The following PCLAF variants were observed in gnomAD, a reference collection of about 807,000 sequenced individuals.
PCLAF encodes PCNA clamp associated factor.
A neutral mutation model predicts 15.1 loss-of-function variants in PCLAF; 12 were observed. That is an observed-to-expected ratio of 0.79 (90% CI 0.51 to 1.29). The LOEUF (loss-of-function observed/expected upper bound fraction) is 1.29, where lower values mean the gene tolerates loss of function less well. PCLAF is among the 50% of genes most tolerant of loss of function. The pLI is 0.00. For synonymous variants in PCLAF, 33 were observed against 47.1 expected (o/e 0.70, Z 1.22); for missense variants, 116 against 130.9 (o/e 0.89, Z 0.56).
intron 3 of PCLAF, among the ~76,000 whole-genome samples, chr15:64,372,360 A>G (rs546184081): frequency 6.6e-6 from 1 of 152,300 alleles, no homozygotes; most frequent in African/African-American, 2.4e-5. Context: ...CACACCTGTA[A>G]TCCCAGCACT....
chr15:64,376,373 T>A lies in PCLAF; in HGVS notation c.290+370A>T, dbSNP rs775650590. 3.9e-5 allele frequency among the ~76,000 whole-genome samples: 6 copies of A among 152,164 alleles called. No individual in the cohort carries two copies. The East Asian group carries it at 9.6e-4, about 24-fold the overall frequency. ...TCCTTTATTTTCAAGATATTTTCTTTATTAATTAATTAATTAATTTTTTAT... is the reference window on the plus strand; with the variant it reads ...TCCTTTATTTTCAAGATATTTTCTTAATTAATTAATTAATTAATTTTTTAT... On this transcript the variant is annotated intron_variant, in intron 3 of 3. Coordinates refer to ENST00000300035, the MANE Select transcript of PCLAF (RefSeq NM_014736.6).
At chr15:64,386,322 G>C (rs1180788204), upstream of PCLAF, among the ~76,000 whole-genome samples, 4 of 151,920 alleles carry the variant, frequency 2.6e-5, no homozygotes, top group Admixed American at 2.6e-4. Context: ...ACACTTATGA[G>C]GTTTTGTTTT....
At chr15:64,377,402 G>C (rs1276119727) in intron 2 of PCLAF, among the ~76,000 whole-genome samples, 1 of 143,514 alleles carries the variant, frequency 7.0e-6, no homozygotes, top group African/African-American at 2.6e-5. Context: ...GCGAGTCGGA[G>C]GTTGCAGTGA....
upstream of PCLAF, among the ~76,000 whole-genome samples, chr15:64,381,953 A>G (rs1289595635): frequency 2.0e-5 from 3 of 152,180 alleles, no homozygotes; most frequent in African/African-American, 7.2e-5. Flanking sequence ...AGCTAATACA[A>G]CTTGTTTACA....
At chr15:64,387,483 A>G in exon 1 of PCLAF, 1 of 1,282,214 alleles carries the variant, frequency 7.8e-7, no homozygotes, top group South Asian at 1.3e-5. Flanking sequence ...GTTTTATTTT[A>G]CATAAAACCA....
intron 1 of PCLAF, among the ~76,000 whole-genome samples, chr15:64,386,968 T>C (rs1455600418): frequency 2.0e-5 from 3 of 152,040 alleles, no homozygotes; most frequent in Non-Finnish European, 4.4e-5. Context: ...GGGTAGGGAA[T>C]TGCAGACAGC....
At chr15:64,387,311 G>C (rs185420401) in intron 1 of PCLAF, 5 of 325,904 alleles carry the variant, frequency 1.5e-5, no homozygotes, top group African/African-American at 1.1e-4. Flanking sequence ...GAACCCGGGA[G>C]GCGGAGCTTG....
intron 3 of PCLAF, among the ~76,000 whole-genome samples, chr15:64,366,554 T>C (rs1899040525): frequency 6.6e-6 from 1 of 152,112 alleles, no homozygotes; most frequent in African/African-American, 2.4e-5. Flanking sequence ...AAACCCCAAA[T>C]TGGCCAGACA....
upstream of PCLAF, chr15:64,381,516 T>A: frequency 6.5e-7 from 1 of 1,539,508 alleles, no homozygotes. Flanking sequence ...GAGCCACCGC[T>A]CCCATTGGTT....
intron 3 of PCLAF, among the ~76,000 whole-genome samples, chr15:64,367,799 T>G (rs1270413021): frequency 1.3e-5 from 2 of 151,912 alleles, no homozygotes; most frequent in Admixed American, 6.6e-5. Flanking sequence ...CCGCCTGCCT[T>G]GGCCTCTCAA....
upstream of PCLAF, among the ~76,000 whole-genome samples, chr15:64,385,123 CA>C (rs1899908778): frequency 6.6e-6 from 1 of 152,082 alleles, no homozygotes; most frequent in African/African-American, 2.4e-5. Context: ...TTTCCGAGTT[CA>C]ACCAATCCTC....
At chr15:64,381,168 C>T in intron 1 of PCLAF, 130 bp from the exon 2 acceptor site, 1 of 1,186,338 alleles carries the variant, frequency 8.4e-7, no homozygotes, top group Non-Finnish European at 1.2e-6. Flanking sequence ...CCTGCCCCTG[C>T]GACTTCCTCT....
chr15:64,374,037 A>T (rs769559090), intron 3 of PCLAF, among the ~76,000 whole-genome samples: 1 of 151,928 alleles, frequency 6.6e-6, no homozygotes, highest in Non-Finnish European at 1.5e-5. Flanking sequence ...AGTGATGCAA[A>T]TTTTTTGTTA....
At chr15:64,366,144 C>A in intron 3 of PCLAF, 69 bp from the exon 4 acceptor site, 1 of 1,158,948 alleles carries the variant, frequency 8.6e-7, no homozygotes, top group Non-Finnish European at 1.3e-6. Flanking sequence ...AGTTACAAAC[C>A]TATATAAATC....
exon 1 of PCLAF, chr15:64,387,581 T>G: frequency 7.3e-7 from 1 of 1,371,208 alleles, no homozygotes; most frequent in Non-Finnish European, 9.5e-7. Flanking sequence ...TTGCACTGTC[T>G]TCTTAGCAGA....
intron 3 of PCLAF, among the ~76,000 whole-genome samples, chr15:64,370,829 GTTTTTTTTTTTTTTT>G (rs10607183): frequency 1.2e-5 from 1 of 85,766 alleles, no homozygotes; most frequent in Non-Finnish European, 2.3e-5. Context: ...TCATAAAGTT[GTTTTTTTTTTTTTTT>G]TTTTTTTTTT....
intron 2 of PCLAF, among the ~76,000 whole-genome samples, chr15:64,377,399 G>A (rs1216618279): frequency 4.9e-5 from 7 of 143,754 alleles, no homozygotes; most frequent in Admixed American, 2.9e-4. Context: ...CCAGCGAGTC[G>A]GAGGTTGCAG....
rs1899969979 is a variant in PCLAF at position 64,387,394 on chromosome 15, TA to T, written n.241+52del. 3.8e-5 allele frequency: 39 copies of T among 1,021,146 alleles called. No homozygotes were observed. The Admixed American group carries it at 7.8e-4, about 21-fold the overall frequency. 63.3% of individuals were successfully genotyped at this position (1,021,146 alleles called of 1,614,324 possible). On this transcript the variant is annotated intron_variant and non_coding_transcript_variant, in intron 1 of 1. Coordinates refer to the PCLAF transcript ENST00000558250. ...GAGACTCCGTCTCAAAATAAATAAA[TA>T]AATTAATTAATTAATTAAAAAATTA...
upstream of PCLAF, among the ~76,000 whole-genome samples, chr15:64,384,200 T>C (rs1457153112): frequency 6.6e-6 from 1 of 152,096 alleles, no homozygotes; most frequent in Non-Finnish European, 1.5e-5. Context: ...AGTGGCACGA[T>C]CTCAGCTCAA....
Sources: gnomAD v4.1 joint callset for allele counts (sites outside exome capture counted in the v4.1 genomes callset) on GRCh38, gnomAD v4.1.1 for gene constraint, MANE v1.5 for transcripts, NCBI Gene and HGNC (gene_info 2026-07-23, HGNC 2026-07-21) for gene names.